ZWINT: variants seen among roughly 807,000 people sequenced by gnomAD.
ZWINT encodes ZW10 interacting kinetochore protein, also known as outer kinetochore KNL1 complex subunit ZWINT.
Under a neutral mutation model 41.5 loss-of-function variants are expected in ZWINT, and 41 were observed. The ratio of observed to expected loss-of-function variants is 0.99; its 90% CI spans 0.77 to 1.28. The LOEUF (loss-of-function observed/expected upper bound fraction) is 1.28, where lower values mean the gene tolerates loss of function less well. Among genes scored for constraint, ZWINT ranks in the 50% most tolerant of loss-of-function variants. The probability of loss-of-function intolerance (pLI) is 0.00; values close to 1 mark genes in which losing one functional copy is unlikely to be tolerated. For synonymous variants in ZWINT, 132 were observed against 126.8 expected, an observed-to-expected ratio of 1.04 and a Z score of -0.28; for missense variants, 369 against 329.7, an observed-to-expected ratio of 1.12 and a Z score of -0.92.
At position 56,357,383 on chromosome 10, in the gene ZWINT, A is replaced by G. The variant is rs1838190333; in HGVS notation, c.*844T>C. ...TATGAATCAATGAAATAATTATAAC[A>G]GAATATAGGAAATGCTATGAATTGA... On this transcript the variant is annotated 3_prime_UTR_variant, in exon 9 of 9. Coordinates refer to ENST00000373944, the MANE Select transcript of ZWINT (RefSeq NM_007057.4). 6.6e-6 allele frequency: 1 copy of G among 152,222 alleles called. No homozygotes were observed. The highest frequency in any genetic ancestry group is 6.5e-5 in the Admixed American group (1 of 15,286). 9.4% of individuals were successfully genotyped at this position (152,222 alleles called of 1,614,324 possible).
Position 56,361,197 on chromosome 10 carries a change from C to A in ZWINT, c.40G>T (p.Glu14Ter), listed in dbSNP as rs1376012435. ...AETEAEAAAL[E>*]VLAEVAGILE... is the part of the protein sequence containing the mutation. ...TGCCACTTAGCCGCAAACACTTACTCTAGGGCTGCAGCTTCCGCCTCTGTC... is the reference window on the plus strand; with the variant it reads ...TGCCACTTAGCCGCAAACACTTACTATAGGGCTGCAGCTTCCGCCTCTGTC... Residue 14 changes from glutamate (E) to a stop codon, truncating the protein, a stop_gained and splice_region_variant, in exon 1 of 9, where the codon GAG (glutamate) becomes TAG (stop). Coordinates refer to ENST00000373944, the MANE Select transcript of ZWINT (RefSeq NM_007057.4). LOFTEE classifies it high-confidence loss of function. 1 of 1,613,402 alleles carries A rather than the reference C, an allele frequency of 6.2e-7. No individual in the cohort carries two copies. The highest frequency in any genetic ancestry group is 2.2e-5 in the East Asian group (1 of 44,886).
At chr10:56,359,130 G>A (rs1032525712) in intron 5 of ZWINT, among the ~76,000 whole-genome samples, 183 bp from the exon 6 acceptor site, 4 of 152,194 alleles carry the variant, frequency 2.6e-5, no homozygotes, top group Non-Finnish European at 5.9e-5. Flanking sequence ...CTGTTCTAGG[G>A]TGAGGCATTC....
In ZWINT at chr10:56,358,618, T is replaced by C; in HGVS notation, c.730A>G (p.Thr244Ala). Residue 244 changes from threonine to alanine, a missense_variant, in exon 7 of 9, where the codon ACT (threonine) becomes GCT (alanine). Transcript: ENST00000373944. ...CCTGTACTCTGCTCCTGGGGTCGAG[T>C]CGGCTGCTGGGGTTTATCATCTGGA... The part of the protein sequence containing the change: ...NLPDDKPQQP[T>A]RPQEQSTGDT... 1 of 1,613,736 alleles carries C rather than the reference T, an allele frequency of 6.2e-7. No individual in the cohort carries two copies. The highest frequency in any genetic ancestry group is 8.5e-7 in the Non-Finnish European group (1 of 1,179,960).
chr10:56,360,717 G>A (rs1456930862), intron 1 of ZWINT, among the ~76,000 whole-genome samples: 1 of 152,220 alleles, frequency 6.6e-6, no homozygotes, highest in African/African-American at 2.4e-5. Context: ...AGGGAGATAT[G>A]CAAGGAAGGG....
At chr10:56,360,168 G>A (rs751948793) in intron 2 of ZWINT, 27 bp from the exon 3 acceptor site, 23 of 1,613,314 alleles carry the variant, frequency 1.4e-5, no homozygotes, top group Non-Finnish European at 1.9e-5. Flanking sequence ...CAGAGACAGG[G>A]AACATCCTTA....
At position 56,357,820 on chromosome 10, in the gene ZWINT, C is replaced by A. The variant is rs962990709; in HGVS notation, c.*407G>T. ...TAGCACAAAGAAAGGACTCAACAAA[C>A]ATTTGGATCCATGAATAAAATTATC... On this transcript the variant is annotated 3_prime_UTR_variant, in exon 9 of 9. Transcript: ENST00000373944. The A allele has an allele frequency of 1.1e-5, 4 of 348,616 alleles. No individual in the cohort carries two copies. The highest frequency in any genetic ancestry group is 2.2e-5 in the Non-Finnish European group (4 of 177,828). 21.6% of individuals were successfully genotyped at this position (348,616 alleles called of 1,614,324 possible). A position where few individuals can be genotyped will look rare whatever the true frequency, so the allele number is the denominator to read the frequency against.
intron 1 of ZWINT, 150 bp from the exon 2 acceptor site, chr10:56,360,533 G>A (rs1313268116): frequency 1.4e-6 from 1 of 691,140 alleles, no homozygotes; most frequent in East Asian, 2.7e-5. Flanking sequence ...AGGGCCTGAA[G>A]GGTCCACAGC....
chr10:56,358,872 C>T lies in ZWINT; in HGVS notation c.556G>A (p.Asp186Asn). ...TTTCCAAGTTTCTGAAACACCCTGT[C>T]AAGCTCCTGCTGAGTCCCTGTCTTA... ...ERKTGTQQEL[D>N]RVFQKLGNLK... is the part of the protein sequence containing the mutation. Residue 186 changes from aspartate (D) to asparagine (N), a missense_variant, in exon 6 of 9, where the codon GAC becomes AAC. Asp to Asn is a conservative substitution (Grantham distance 23). Coordinates refer to ENST00000373944, the MANE Select transcript of ZWINT (RefSeq NM_007057.4). 6.2e-7 allele frequency: 1 copy of T among 1,614,106 alleles called. No homozygotes were observed. Among genetic ancestry groups the T allele is most frequent in the Non-Finnish European group, 8.5e-7 (1 of 1,180,008 alleles).
In ZWINT at chr10:56,361,050, T is replaced by C. The variant is rs1411032154; in HGVS notation, c.41+146A>G. On this transcript the variant is annotated intron_variant, in intron 1 of 8. Transcript: ENST00000373944. ...GCAGGCAACAGACACCTCAGGAACCTAAGACGGGACTGCGGTGAGGATCAC... is the reference window on the plus strand; with the variant it reads ...GCAGGCAACAGACACCTCAGGAACCCAAGACGGGACTGCGGTGAGGATCAC... 4.6e-6 allele frequency: 4 copies of C among 863,760 alleles called. No homozygotes were observed. The Admixed American group carries it at 8.0e-5, about 17-fold the overall frequency. 53.5% of individuals were successfully genotyped at this position (863,760 alleles called of 1,614,324 possible). A position where few individuals can be genotyped will look rare whatever the true frequency, so the allele number is the denominator to read the frequency against.
chr10:56,359,333 G>T, intron 5 of ZWINT, 143 bp downstream of exon 5: 1 of 749,960 alleles, frequency 1.3e-6, no homozygotes, highest in Non-Finnish European at 2.1e-6. Flanking sequence ...GTGGTAAGTG[G>T]TGACACTGAG....
intron 5 of ZWINT, 109 bp from the exon 6 acceptor site, chr10:56,359,056 A>C: frequency 7.6e-7 from 1 of 1,315,650 alleles, no homozygotes; most frequent in Non-Finnish European, 1.0e-6. Flanking sequence ...CAATGATGAA[A>C]AGAGGGACTC....
In ZWINT at chr10:56,357,556, G is replaced by T. The variant is rs1838195403; in HGVS notation, c.*671C>A. ...GTACATCTTCTCCAATCCGAAAACA[G>T]AAAGTGGGAAAGATCAAGGTATCAC... On this transcript the variant is annotated 3_prime_UTR_variant, in exon 9 of 9. Coordinates refer to ENST00000373944, the MANE Select transcript of ZWINT (RefSeq NM_007057.4). 1 of 152,736 alleles carries T rather than the reference G, an allele frequency of 6.5e-6. No individual in the cohort carries two copies. The highest frequency in any genetic ancestry group is 6.5e-5 in the Admixed American group (1 of 15,376). The allele number at this position is 152,736 out of a possible 1,614,324, so 9.5% of individuals were successfully genotyped here.
rs1838216001 is a variant in ZWINT at position 56,358,181 on chromosome 10, G to C, written c.*46C>G. On this transcript the variant is annotated 3_prime_UTR_variant, in exon 9 of 9. Coordinates refer to ENST00000373944, the MANE Select transcript of ZWINT (RefSeq NM_007057.4). Reference sequence around the variant, plus strand: ...GATGGTTGGGAGGTGAGGGAAGTCAGAGGCCTGGGGAAGAAGACAGGGGTT... The same window carrying C: ...GATGGTTGGGAGGTGAGGGAAGTCACAGGCCTGGGGAAGAAGACAGGGGTT... The C allele has an allele frequency of 1.3e-6, 1 of 751,218 alleles. No homozygotes were observed. The highest frequency in any genetic ancestry group is 1.7e-5 in the Admixed American group (1 of 57,976). The allele number at this position is 751,218 out of a possible 1,614,324, so 46.5% of individuals were successfully genotyped here.
rs775173390 is a variant in ZWINT at position 56,358,827 on chromosome 10, G to A, written c.601C>T (p.Gln201Ter). 28 of 1,613,944 alleles carry A rather than the reference G, an allele frequency of 1.7e-5. No homozygotes were observed. Among genetic ancestry groups the A allele is most frequent in the Non-Finnish European group, 2.3e-5 (27 of 1,180,036 alleles). ...KLGNLKQQAE[Q>*]ERDKLQRYQT... ...TACCTCTGCAGCTTGTCCCGCTCCT[G>A]TTCTGCCTGCTGCTTCAGGTTTCCA... is the stretch of plus-strand genomic sequence containing the variant. The change falls in exon 6 of 9, where the codon CAG (glutamine) becomes TAG (stop). Residue 201 changes from glutamine to a stop codon, truncating the protein, a stop_gained. Coordinates refer to ENST00000373944, the MANE Select transcript of ZWINT (RefSeq NM_007057.4). LOFTEE classifies it high-confidence loss of function.
At chr10:56,361,125 T>C in intron 1 of ZWINT, 71 bp downstream of exon 1, 2 of 1,565,824 alleles carry the variant, frequency 1.3e-6, no homozygotes, top group Non-Finnish European at 1.7e-6. Flanking sequence ...AGGGCACCAA[T>C]CATTACACAT....
At chr10:56,359,060 G>A in intron 5 of ZWINT, 113 bp from the exon 6 acceptor site, 1 of 1,329,336 alleles carries the variant, frequency 7.5e-7, no homozygotes, top group South Asian at 1.4e-5. Context: ...GATGAAAAGA[G>A]GGACTCTATT....
Position 56,360,072 on chromosome 10 carries a change from C to A in ZWINT, c.202G>T (p.Ala68Ser). Reference protein sequence around the residue: ...QVADFLQNILAQEDTAKGLDP... With the variant: ...QVADFLQNILSQEDTAKGLDP... ...AGACCCTTAGCAGTGTCCTCCTGAGCCAGGATGTTCTGCAGGAAATCCGCT... is the reference window on the plus strand; with the variant it reads ...AGACCCTTAGCAGTGTCCTCCTGAGACAGGATGTTCTGCAGGAAATCCGCT... Residue 68 changes from alanine (A) to serine (S), a missense_variant, in exon 3 of 9, where the codon GCT becomes TCT. Physicochemically the swap from Ala to Ser is moderately conservative, Grantham distance 99. Coordinates refer to ENST00000373944, the MANE Select transcript of ZWINT (RefSeq NM_007057.4). The A allele has an allele frequency of 1.2e-6, 2 of 1,614,150 alleles. No individual in the cohort carries two copies. Among genetic ancestry groups the A allele is most frequent in the East Asian group, 2.2e-5 (1 of 44,884 alleles).
chr10:56,360,224 T>G (rs576461302), intron 2 of ZWINT, 69 bp downstream of exon 2: 11 of 1,611,030 alleles, frequency 6.8e-6, no homozygotes, highest in East Asian at 2.2e-5. Flanking sequence ...AGTGCTGCCC[T>G]GTATCTCAGT....
chr10:56,357,297 A>T lies in ZWINT; in HGVS notation c.*930T>A, dbSNP rs148790990. On this transcript the variant is annotated 3_prime_UTR_variant, in exon 9 of 9. Transcript: ENST00000373944. ...TTAAACAGATGATATTCTCTGACCA[A>T]ATTAAACTTAGATTATCTTCTCACA... 6.6e-6 allele frequency: 1 copy of T among 152,272 alleles called. No individual in the cohort carries two copies. The highest frequency in any genetic ancestry group is 1.5e-5 in the Non-Finnish European group (1 of 68,000). The allele number at this position is 152,272 out of a possible 1,614,324, so 9.4% of individuals were successfully genotyped here.
Sources: gnomAD v4.1 joint callset for allele counts (sites outside exome capture counted in the v4.1 genomes callset) on GRCh38, gnomAD v4.1.1 for gene constraint, MANE v1.5 for transcripts, NCBI Gene and HGNC (gene_info 2026-07-23, HGNC 2026-07-21) for gene names.